Variants in ANKRD26 observed in about 807,000 individuals in gnomAD.
ANKRD26 encodes ankyrin repeat domain-containing protein 26.
Under a neutral mutation model 208.7 loss-of-function variants are expected in ANKRD26, and 141 were observed. The ratio of observed to expected loss-of-function variants is 0.68; its 90% CI spans 0.59 to 0.78. The LOEUF (loss-of-function observed/expected upper bound fraction) is 0.78, where lower values mean the gene tolerates loss of function less well. Among genes scored for constraint, ANKRD26 ranks in the 30% least tolerant of loss-of-function variants. The pLI, the probability that ANKRD26 is intolerant of heterozygous loss-of-function variation, is 0.00. For synonymous variants in ANKRD26, 636 were observed against 660.4 expected (o/e 0.96, Z 0.57); for missense variants, 1,889 against 1,938.7 (o/e 0.97, Z 0.48).
the ANKRD26 span, among the ~76,000 whole-genome samples, chr10:26,963,929 T>TTTTTTTTTTTTTG: frequency 7.0e-6 from 1 of 142,178 alleles, no homozygotes; most frequent in Non-Finnish European, 1.5e-5. Flanking sequence ...TTTTTTTTTT[T>TTTTTTTTTTTTTG]GAGACAGGAT....
chr10:26,965,462 A>G, the ANKRD26 span, among the ~76,000 whole-genome samples: 9 of 152,212 alleles, frequency 5.9e-5, no homozygotes, highest in African/African-American at 2.2e-4. Flanking sequence ...CCTTCCTTAC[A>G]CCTTATACAA....
At chr10:26,982,532 C>T (rs558523002) in intron 4 of ANKRD26, among the ~76,000 whole-genome samples, 1 of 151,082 alleles carries the variant, frequency 6.6e-6, no homozygotes, top group South Asian at 2.1e-4. Context: ...TGTTTTATTC[C>T]TAGAAGTTAA....
In ANKRD26 at chr10:27,043,587, G is replaced by A. The variant is rs1270070724; in HGVS notation, c.2020-20C>T. On this transcript the variant is annotated intron_variant, in intron 19 of 33. Transcript: ENST00000376087. ...TTTGACCTATGAAATAAATAACACT[G>A]TTTCAAAATGTCCCCAGAATATTTA... 1 of 1,605,042 alleles carries A rather than the reference G, an allele frequency of 6.2e-7. No homozygotes were observed. Among genetic ancestry groups the A allele is most frequent in the Admixed American group, 1.7e-5 (1 of 59,962 alleles).
At chr10:26,961,809 C>A in the ANKRD26 span, among the ~76,000 whole-genome samples, 1 of 152,198 alleles carries the variant, frequency 6.6e-6, no homozygotes, top group Non-Finnish European at 1.5e-5. Flanking sequence ...AACTCCATAA[C>A]CATTGTTATC....
rs1334546891 is a variant in ANKRD26, at chr10:27,024,441, T to C, written c.4085+6A>G. 7.2e-7 allele frequency: 1 copy of C among 1,398,446 alleles called. No individual in the cohort carries two copies. The highest frequency in any genetic ancestry group is 1.7e-5 in the Admixed American group (1 of 58,368). 86.6% of individuals were successfully genotyped at this position (1,398,446 alleles called of 1,614,324 possible). ...GTTAAAATGATCTGAAATATTAAAA[T>C]CTTACCCAGTTATCTCTCTTTCTAA... On this transcript the variant is annotated splice_donor_region_variant and intron_variant, in intron 28 of 33. Coordinates refer to ENST00000376087, the MANE Select transcript of ANKRD26 (RefSeq NM_014915.3).
At chr10:27,030,337 T>C (rs1433451477) in intron 25 of ANKRD26, 1 of 951,084 alleles carries the variant, frequency 1.1e-6, no homozygotes. Context: ...CTTTACTCAG[T>C]GGGCAATGAC....
intron 29 of ANKRD26, among the ~76,000 whole-genome samples, chr10:27,020,613 G>A (rs2053454206): frequency 6.6e-6 from 1 of 152,114 alleles, no homozygotes; most frequent in South Asian, 2.1e-4. Flanking sequence ...TTACTGACAT[G>A]ATTTCATTCT....
At chr10:27,080,403 G>A (rs1478135571) in intron 6 of ANKRD26, among the ~76,000 whole-genome samples, 2 of 152,058 alleles carry the variant, frequency 1.3e-5, no homozygotes, top group Non-Finnish European at 2.9e-5. Flanking sequence ...ATGGGCAAAA[G>A]TCAAAACACA....
chr10:27,089,225 C>A (rs1437808157), intron 4 of ANKRD26, among the ~76,000 whole-genome samples: 4 of 152,080 alleles, frequency 2.6e-5, no homozygotes, highest in African/African-American at 9.7e-5. Flanking sequence ...GTCCTTTGTC[C>A]CCTCCTGATT....
At chr10:27,081,896 C>G (rs912991938) in intron 6 of ANKRD26, among the ~76,000 whole-genome samples, 3 of 151,934 alleles carry the variant, frequency 2.0e-5, no homozygotes, top group African/African-American at 7.3e-5. Flanking sequence ...GCCACCACGC[C>G]TGGCTAATTC....
Position 27,091,292 on chromosome 10 carries a change from A to C in ANKRD26, c.638+1114T>G, listed in dbSNP as rs548314679. Among the ~76,000 whole-genome samples the C allele has an allele frequency of 5.3e-4, 81 of 152,300 alleles. 1 individual carries two copies. Among genetic ancestry groups the C allele is most frequent in the Non-Finnish European group, 9.8e-4 (67 of 68,026 alleles). Reference sequence around the variant, plus strand: ...TGATAAGTAAGGTCCCCAAGCTTACACACTTAACAAGTGGGAAAGCAAGGA... The same window carrying C: ...TGATAAGTAAGGTCCCCAAGCTTACCCACTTAACAAGTGGGAAAGCAAGGA... On this transcript the variant is annotated intron_variant, in intron 4 of 33. Transcript: ENST00000376087.
chr10:27,093,896 G>T, intron 1 of ANKRD26, 97 bp from the exon 2 acceptor site: 1 of 1,037,796 alleles, frequency 9.6e-7, no homozygotes, highest in Non-Finnish European at 1.5e-6. Context: ...ATGTTGATAT[G>T]GTTTGGCTGT....
intron 20 of ANKRD26, among the ~76,000 whole-genome samples, chr10:27,040,708 T>G (rs971783263): frequency 6.6e-6 from 1 of 151,946 alleles, no homozygotes; most frequent in Admixed American, 6.6e-5. Context: ...ACTCAGGCAA[T>G]GAACACAAGG....
rs1015334615 is a variant in ANKRD26 at position 27,020,304 on chromosome 10, C to G, written c.4215+2254G>C. The stretch of plus-strand genomic sequence containing the variant: ...ATTTGTCTTGTGAACATTCAAAATC[C>G]TCTTTTTAGCTTTTTGAAAATACAC... On this transcript the variant is annotated intron_variant, in intron 29 of 33. Transcript: ENST00000376087. Among the ~76,000 whole-genome samples, 8 of 152,160 alleles carry G rather than the reference C, an allele frequency of 5.3e-5. No homozygotes were observed. The East Asian group carries it at 1.5e-3, about 29-fold the overall frequency.
At chr10:26,999,367 G>A (rs2052667965), downstream of ANKRD26, among the ~76,000 whole-genome samples, 1 of 152,196 alleles carries the variant, frequency 6.6e-6, no homozygotes, top group South Asian at 2.1e-4. Flanking sequence ...CCAATGTAGA[G>A]GCCTCGTTTC....
chr10:27,006,197 C>A (rs535326821), intron 33 of ANKRD26, among the ~76,000 whole-genome samples: 2 of 151,992 alleles, frequency 1.3e-5, no homozygotes, highest in African/African-American at 2.4e-5. Flanking sequence ...TAGACTGATA[C>A]CTGAAGTACA....
downstream of ANKRD26, among the ~76,000 whole-genome samples, chr10:26,970,117 C>T (rs192120738): frequency 8.2e-4 from 125 of 152,208 alleles, no homozygotes; most frequent in African/African-American, 2.5e-3. Flanking sequence ...CCACTTCGCC[C>T]GGCCCTAGTT....
the ANKRD26 span, among the ~76,000 whole-genome samples, chr10:26,961,943 A>G: frequency 6.6e-6 from 1 of 152,244 alleles, no homozygotes; most frequent in African/African-American, 2.4e-5. Flanking sequence ...ATATATGTGT[A>G]TAACAAGAAC....
intron 29 of ANKRD26, 135 bp from the exon 30 acceptor site, chr10:27,017,927 TG>T (rs1436965711): frequency 2.4e-5 from 20 of 839,452 alleles, no homozygotes; most frequent in Non-Finnish European, 3.6e-5. Flanking sequence ...ATTCTTCAAA[TG>T]TGGACCCTTA....
Sources: gnomAD v4.1 joint callset for allele counts (sites outside exome capture counted in the v4.1 genomes callset) on GRCh38, gnomAD v4.1.1 for gene constraint, MANE v1.5 for transcripts, NCBI Gene and HGNC (gene_info 2026-07-23, HGNC 2026-07-21) for gene names.